SGCG: variants seen among roughly 807,000 people sequenced by gnomAD.
The protein encoded by SGCG is sarcoglycan gamma.
In SGCG, 26 loss-of-function variants were observed where a neutral mutation model predicts 29.3. The ratio of observed to expected loss-of-function variants is 0.89; its 90% confidence interval spans 0.65 to 1.23. The LOEUF is 1.23. Among genes scored for constraint, SGCG ranks in the 50% most tolerant of loss-of-function variants. The probability of loss-of-function intolerance (pLI) is 0.00; values close to 1 mark genes in which losing one functional copy is unlikely to be tolerated. For synonymous variants in SGCG, 145 were observed against 129.7 expected, an observed-to-expected ratio of 1.12 and a Z score of -0.80; for missense variants, 353 against 356.0, an observed-to-expected ratio of 0.99 and a Z score of 0.07.
At chr13:23,221,582 T>C (rs1410517) in intron 2 of SGCG, among the ~76,000 whole-genome samples, 117,443 of 152,174 alleles carry the variant, frequency 0.77, 45,505 homozygotes, top group East Asian at 0.92. Flanking sequence ...GCGCTACAAA[T>C]ACAAATACTA....
At chr13:23,257,431 G>A (rs999002681) in intron 4 of SGCG, among the ~76,000 whole-genome samples, 1 of 151,992 alleles carries the variant, frequency 6.6e-6, no homozygotes, top group Non-Finnish European at 1.5e-5. Flanking sequence ...CCATGGACAG[G>A]GGTGGGCATT....
chr13:23,295,341 T>A, intron 5 of SGCG, 74 bp from the exon 6 acceptor site: 1 of 1,174,776 alleles, frequency 8.5e-7, no homozygotes, highest in East Asian at 2.3e-5. Flanking sequence ...CTTTAATATC[T>A]AGGCTAAATG....
chr13:23,289,827 G>T (rs1881631438), intron 5 of SGCG, among the ~76,000 whole-genome samples: 1 of 152,170 alleles, frequency 6.6e-6, no homozygotes, highest in Non-Finnish European at 1.5e-5. Context: ...CAATGGGGAG[G>T]CATTGAATTG....
At chr13:23,181,490 G>C (rs1876733243) in intron 1 of SGCG, among the ~76,000 whole-genome samples, 1 of 152,036 alleles carries the variant, frequency 6.6e-6, no homozygotes, top group Non-Finnish European at 1.5e-5. Context: ...TGATAGTTTT[G>C]TTATAGACAC....
chr13:23,307,911 T>A (rs770963583), intron 6 of SGCG, among the ~76,000 whole-genome samples: 1 of 152,212 alleles, frequency 6.6e-6, no homozygotes, highest in Non-Finnish European at 1.5e-5. Context: ...ACACAAGTTT[T>A]TATGTACAAA....
chr13:23,164,039 T>G, the SGCG span, among the ~76,000 whole-genome samples: 1 of 152,194 alleles, frequency 6.6e-6, no homozygotes, highest in African/African-American at 2.4e-5. Context: ...CTTTTTCTCT[T>G]CTCTCCTGGT....
intron 5 of SGCG, among the ~76,000 whole-genome samples, chr13:23,281,562 G>GT (rs1458734462): frequency 7.2e-5 from 11 of 152,134 alleles, no homozygotes; most frequent in Non-Finnish European, 1.5e-5. Context: ...TCAGCAACAT[G>GT]TTGACGCTCT....
At chr13:23,266,423 T>A (rs1880645052) in intron 4 of SGCG, among the ~76,000 whole-genome samples, 1 of 152,178 alleles carries the variant, frequency 6.6e-6, no homozygotes, top group South Asian at 2.1e-4. Flanking sequence ...GCCATTATTT[T>A]ATGTGAAGTA....
intron 4 of SGCG, among the ~76,000 whole-genome samples, chr13:23,265,997 A>C (rs2137594221): frequency 6.6e-6 from 1 of 152,326 alleles, no homozygotes; most frequent in African/African-American, 2.4e-5. Flanking sequence ...AAAATCACAA[A>C]GATATAAAAT....
intron 3 of SGCG, among the ~76,000 whole-genome samples, chr13:23,241,845 C>G (rs12875556): frequency 0.034 from 5,208 of 152,236 alleles, 153 homozygotes; most frequent in Non-Finnish European, 0.047. Flanking sequence ...ATTTGGTCAT[C>G]TCGATAGATG....
rs530632898 is a variant in SGCG at position 23,298,025 on chromosome 13, A to G, written c.578+2538A>G. Among the ~76,000 whole-genome samples the G allele has an allele frequency of 7.3e-5, 11 of 149,982 alleles. No homozygotes were observed. In the South Asian group the frequency reaches 2.2e-3, roughly 31 times the overall value. On this transcript the variant is annotated intron_variant, in intron 6 of 7. Coordinates refer to ENST00000218867, the MANE Select transcript of SGCG (RefSeq NM_000231.3). ...CTCCCAAAGTGCTGGGATTACAGGC[A>G]TGAGCCACCGCGGCCAGCCAACAAT...
chr13:23,213,946 A>T (rs1593176597), intron 2 of SGCG, among the ~76,000 whole-genome samples: 2 of 152,350 alleles, frequency 1.3e-5, no homozygotes, highest in East Asian at 1.9e-4. Context: ...AGCTGCAGGA[A>T]GGCCTCTAAC....
intron 6 of SGCG, among the ~76,000 whole-genome samples, chr13:23,304,860 C>T (rs1416746441): frequency 6.6e-6 from 1 of 152,180 alleles, no homozygotes; most frequent in African/African-American, 2.4e-5. Context: ...ATCTCCTGGC[C>T]TCAGATGATC....
chr13:23,197,065 G>A (rs961810475), intron 1 of SGCG, among the ~76,000 whole-genome samples: 3 of 152,088 alleles, frequency 2.0e-5, no homozygotes, highest in East Asian at 1.9e-4. Flanking sequence ...TATGATCTGT[G>A]TGTATGGGCT....
At chr13:23,235,176 A>G (rs1384949297) in intron 3 of SGCG, among the ~76,000 whole-genome samples, 1 of 152,160 alleles carries the variant, frequency 6.6e-6, no homozygotes, top group Non-Finnish European at 1.5e-5. Context: ...CTTGGCCAAC[A>G]TGGATAAACC....
chr13:23,314,382 T>TTATACATATATATATA (rs1555247264), intron 6 of SGCG, among the ~76,000 whole-genome samples: 2 of 78,624 alleles, frequency 2.5e-5, no homozygotes, highest in East Asian at 1.3e-3. Flanking sequence ...CTGCTATAGG[T>TTATACATATATATATA]TATATATATA....
chr13:23,199,439 C>T (rs750401733), intron 1 of SGCG, among the ~76,000 whole-genome samples: 1 of 152,126 alleles, frequency 6.6e-6, no homozygotes, highest in South Asian at 2.1e-4. Flanking sequence ...CTTCTCAAGC[C>T]TAATTTGAGT....
intron 4 of SGCG, among the ~76,000 whole-genome samples, chr13:23,275,604 A>G (rs1328013021): frequency 6.6e-6 from 1 of 152,050 alleles, no homozygotes; most frequent in African/African-American, 2.4e-5. Context: ...CCTAAGTTTC[A>G]CTGGCATAGC....
rs370826532 is a variant in SGCG, at chr13:23,220,130, C to G, written c.196-14481C>G. The stretch of plus-strand genomic sequence containing the variant: ...TGCTGCAATTACAGGGCTGAGCTAC[C>G]GCGCCAGGCCAATATTTACCAATTA... On this transcript the variant is annotated intron_variant, in intron 2 of 7. Transcript: ENST00000218867. Among the ~76,000 whole-genome samples, 147 of 152,082 alleles carry G rather than the reference C, an allele frequency of 9.7e-4. 1 individual carries two copies. The highest frequency in any genetic ancestry group is 3.2e-3 in the African/African-American group (134 of 41,540).
Sources: allele counts gnomAD v4.1 joint callset (sites outside exome capture counted in the v4.1 genomes callset), GRCh38; gene constraint gnomAD v4.1.1; transcripts MANE v1.5; gene names NCBI Gene and HGNC (gene_info 2026-07-23, HGNC 2026-07-21).